Variants in GMDS observed in about 807,000 individuals in gnomAD.
The protein encoded by GMDS is GDP-mannose 4,6-dehydratase.
A neutral mutation model predicts 49.9 loss-of-function variants in GMDS; 20 were observed. The observed-to-expected ratio is 0.40, with a 90% confidence interval of 0.28 to 0.58. GMDS has a LOEUF of 0.58. GMDS is among the 20% of genes least tolerant of loss of function. The pLI, the probability that GMDS is intolerant of heterozygous loss-of-function variation, is 0.42. For missense variants in GMDS, 362 were observed against 481.4 expected, an observed-to-expected ratio of 0.75 and a Z score of 2.32; for synonymous variants, 177 against 178.6, an observed-to-expected ratio of 0.99 and a Z score of 0.07.
At chr6:1,937,750 A>G (rs1476609776) in intron 6 of GMDS, among the ~76,000 whole-genome samples, 1 of 152,252 alleles carries the variant, frequency 6.6e-6, no homozygotes, top group Non-Finnish European at 1.5e-5. Context: ...CCTTCATCTC[A>G]AGATCCTTAA....
rs780734710 is a variant in GMDS, at chr6:2,115,777, G to A, written c.339C>T (p.His113=). The A allele has an allele frequency of 7.2e-6, 11 of 1,538,390 alleles. No homozygotes were observed. The African/African-American group carries it at 8.2e-5, about 11-fold the overall frequency. The part of the protein sequence containing the change: ...TEIYNLGAQS[H]VKISFDLAEY... Reference sequence around the variant, plus strand: ...TCCCAATGAAAATGCTTACTTTGACGTGGCTCTGGGCTCCAAGGTTGTAGA... The same window carrying A: ...TCCCAATGAAAATGCTTACTTTGACATGGCTCTGGGCTCCAAGGTTGTAGA... The change falls in exon 4 of 11, where the codon CAC becomes CAT. Residue 113 remains histidine (H), a synonymous_variant. Coordinates refer to ENST00000380815, the MANE Select transcript of GMDS (RefSeq NM_001500.4).
chr6:1,697,393 A>G (rs1765380393), intron 9 of GMDS, among the ~76,000 whole-genome samples: 1 of 152,252 alleles, frequency 6.6e-6, no homozygotes, highest in South Asian at 2.1e-4. Flanking sequence ...TCTCATTTTC[A>G]GCAAGAATAA....
At chr6:1,749,155 T>C (rs934836198) in intron 7 of GMDS, among the ~76,000 whole-genome samples, 4 of 152,170 alleles carry the variant, frequency 2.6e-5, no homozygotes, top group African/African-American at 9.7e-5. Flanking sequence ...ATTTTGCTGG[T>C]GAGTGTGATT....
intron 7 of GMDS, among the ~76,000 whole-genome samples, chr6:1,851,715 A>T (rs558861308): frequency 3.3e-5 from 5 of 152,198 alleles, no homozygotes; most frequent in African/African-American, 7.2e-5. Flanking sequence ...TATATTTTTT[A>T]AAAATAATAA....
chr6:1,811,687 A>G (rs1770436470), intron 7 of GMDS, among the ~76,000 whole-genome samples: 1 of 152,120 alleles, frequency 6.6e-6, no homozygotes. Flanking sequence ...CCTCACTGAA[A>G]GATGCAAATA....
At chr6:1,783,376 T>C (rs540484021) in intron 7 of GMDS, among the ~76,000 whole-genome samples, 2 of 152,370 alleles carry the variant, frequency 1.3e-5, no homozygotes, top group South Asian at 4.1e-4. Context: ...TTTAATAATC[T>C]ATTTACTTGG....
At chr6:1,624,827 C>CCTTTT (rs1561682229) in intron 9 of GMDS, 1 of 83,178 alleles carries the variant, frequency 1.2e-5, no homozygotes. Context: ...GCTCTTAATG[C>CCTTTT]TTTTTTTTTT....
chr6:1,709,489 A>G (rs1765872289), intron 9 of GMDS, among the ~76,000 whole-genome samples: 1 of 152,214 alleles, frequency 6.6e-6, no homozygotes, highest in Non-Finnish European at 1.5e-5. Flanking sequence ...AGCTGGAGGA[A>G]GTGACAATGA....
intron 7 of GMDS, among the ~76,000 whole-genome samples, chr6:1,770,487 C>T (rs9392339): frequency 0.05 from 7,615 of 152,310 alleles, 559 homozygotes; most frequent in African/African-American, 0.15. Flanking sequence ...ACACCATCAA[C>T]GCGGCTGCTG....
intron 7 of GMDS, among the ~76,000 whole-genome samples, chr6:1,895,299 C>T (rs1344921673): frequency 5.9e-5 from 9 of 152,244 alleles, no homozygotes; most frequent in Non-Finnish European, 1.0e-4. Context: ...ACCGTTTCTC[C>T]GCTGCATTTT....
intron 1 of GMDS, among the ~76,000 whole-genome samples, chr6:2,143,914 A>T (rs372046161): frequency 2.6e-5 from 4 of 152,222 alleles, no homozygotes; most frequent in South Asian, 2.1e-4. Context: ...TCATTCATTC[A>T]TTCATTCATC....
intron 8 of GMDS, among the ~76,000 whole-genome samples, chr6:1,735,827 C>T (rs1766984350): frequency 6.6e-6 from 1 of 152,180 alleles, no homozygotes; most frequent in South Asian, 2.1e-4. Context: ...CATATTTGCA[C>T]AGATATTTGT....
Position 1,661,151 on chromosome 6 carries a change from G to A in GMDS, c.988-36611C>T, listed in dbSNP as rs185376591. ...CTCTCGGCTTCTGGAAAACTGCTAC[G>A]GAGCGCTGTAACTGGCCTGAAGTCT... On this transcript the variant is annotated intron_variant, in intron 9 of 10. Transcript: ENST00000380815. 2.6e-4 allele frequency among the ~76,000 whole-genome samples: 40 copies of A among 152,268 alleles called. 1 individual carries two copies. The East Asian group carries it at 6.4e-3, about 24-fold the overall frequency.
intron 7 of GMDS, among the ~76,000 whole-genome samples, chr6:1,787,445 G>A (rs545277202): frequency 3.3e-5 from 5 of 152,302 alleles, no homozygotes; most frequent in East Asian, 1.9e-4. Flanking sequence ...ATTCACTATC[G>A]GTGTTCAGGC....
chr6:2,200,960 C>G (rs1277221647), intron 1 of GMDS, among the ~76,000 whole-genome samples: 55 of 110,358 alleles, frequency 5.0e-4, no homozygotes, highest in African/African-American at 1.1e-3. Context: ...AGGATGAAGA[C>G]AGAGCACCAC....
intron 8 of GMDS, among the ~76,000 whole-genome samples, chr6:1,739,208 T>C (rs1337655217): frequency 6.6e-6 from 1 of 152,146 alleles, no homozygotes; most frequent in Non-Finnish European, 1.5e-5. Flanking sequence ...GCGTCTTGGG[T>C]CACAACATAC....
intron 1 of GMDS, among the ~76,000 whole-genome samples, chr6:2,215,764 T>C (rs553036480): frequency 1.2e-4 from 18 of 152,282 alleles, no homozygotes; most frequent in Admixed American, 3.3e-4. Flanking sequence ...ATTCGGACCC[T>C]GATTCAAACA....
chr6:1,976,392 C>T (rs1417720019), intron 4 of GMDS, among the ~76,000 whole-genome samples: 3 of 152,172 alleles, frequency 2.0e-5, no homozygotes, highest in African/African-American at 7.2e-5. Flanking sequence ...CCAGTATGTG[C>T]CTAACCCAGT....
chr6:1,673,603 T>C (rs1304653128), intron 9 of GMDS, among the ~76,000 whole-genome samples: 2 of 152,120 alleles, frequency 1.3e-5, no homozygotes, highest in African/African-American at 4.8e-5. Context: ...GGCATGAGTC[T>C]ACAGATTTTG....
Sources: allele counts gnomAD v4.1 joint callset (sites outside exome capture counted in the v4.1 genomes callset), GRCh38; gene constraint gnomAD v4.1.1; transcripts MANE v1.5; gene names NCBI Gene and HGNC (gene_info 2026-07-23, HGNC 2026-07-21).